The following BMAL2 variants were observed in gnomAD, a reference collection of about 807,000 sequenced individuals.
BMAL2 encodes basic helix-loop-helix ARNT like 2, also known as basic helix-loop-helix ARNT-like protein 2.
chr12:27,352,948 A>G, the BMAL2 span, among the ~76,000 whole-genome samples: 4 of 152,330 alleles, frequency 2.6e-5, no homozygotes, highest in African/African-American at 9.6e-5. Flanking sequence ...CAAATGGAAA[A>G]ACATTCCATG....
the BMAL2 span, among the ~76,000 whole-genome samples, chr12:27,339,435 T>C: frequency 6.6e-6 from 1 of 152,232 alleles, no homozygotes; most frequent in Non-Finnish European, 1.5e-5. Context: ...TGCATCTTTA[T>C]AATAGAACAA....
the BMAL2 span, among the ~76,000 whole-genome samples, chr12:27,397,762 G>A: frequency 6.6e-6 from 1 of 152,212 alleles, no homozygotes; most frequent in African/African-American, 2.4e-5. Context: ...GAAATCGCAG[G>A]CTGATGAAGG....
At chr12:27,402,060 A>G in the BMAL2 span, among the ~76,000 whole-genome samples, 2 of 152,106 alleles carry the variant, frequency 1.3e-5, no homozygotes, top group Non-Finnish European at 2.9e-5. Flanking sequence ...GGGTGCCGCC[A>G]TGTCTGTGTA....
the BMAL2 span, among the ~76,000 whole-genome samples, chr12:27,361,011 T>C: frequency 2.0e-5 from 3 of 152,128 alleles, no homozygotes; most frequent in East Asian, 1.9e-4. Flanking sequence ...TTTTAAGATA[T>C]AGCACACTAT....
chr12:27,340,250 T>C, the BMAL2 span, among the ~76,000 whole-genome samples: 3 of 152,234 alleles, frequency 2.0e-5, no homozygotes, highest in Non-Finnish European at 2.9e-5. Context: ...CATTTAAGTC[T>C]TTAATCCATC....
the BMAL2 span, among the ~76,000 whole-genome samples, chr12:27,359,401 CTG>C: frequency 2.0e-5 from 3 of 152,162 alleles, no homozygotes; most frequent in Non-Finnish European, 4.4e-5. Context: ...TCGGTACTTA[CTG>C]TGGGGCTGGG....
the BMAL2 span, chr12:27,389,658 T>A: frequency 4.2e-5 from 8 of 191,224 alleles, no homozygotes; most frequent in Non-Finnish European, 6.3e-5. Flanking sequence ...CTTTTTTATA[T>A]GGATTAGGTC....
the BMAL2 span, among the ~76,000 whole-genome samples, chr12:27,420,210 C>A: frequency 1.3e-5 from 2 of 152,182 alleles, no homozygotes; most frequent in African/African-American, 4.8e-5. Context: ...AACTAGGTAA[C>A]CCATTTAAAA....
At chr12:27,364,900 T>C in the BMAL2 span, among the ~76,000 whole-genome samples, 1 of 152,186 alleles carries the variant, frequency 6.6e-6, no homozygotes, top group Admixed American at 6.5e-5. Flanking sequence ...GAGATTATTA[T>C]AAATTCTATC....
the BMAL2 span, among the ~76,000 whole-genome samples, chr12:27,412,762 A>T: frequency 2.0e-5 from 3 of 152,124 alleles, no homozygotes; most frequent in Non-Finnish European, 4.4e-5. Flanking sequence ...CATTGAGCCC[A>T]GGAGTTCCAG....
At chr12:27,407,059 T>C in the BMAL2 span, among the ~76,000 whole-genome samples, 1 of 152,206 alleles carries the variant, frequency 6.6e-6, no homozygotes, top group African/African-American at 2.4e-5. Flanking sequence ...TAAATATATA[T>C]GCACCCAATA....
chr12:27,348,478 T>A, the BMAL2 span, among the ~76,000 whole-genome samples: 3 of 152,210 alleles, frequency 2.0e-5, no homozygotes, highest in African/African-American at 7.2e-5. Flanking sequence ...TTTATTTTTT[T>A]TTAATCTTAA....
At chr12:27,380,794 G>C in the BMAL2 span, among the ~76,000 whole-genome samples, 1 of 152,038 alleles carries the variant, frequency 6.6e-6, no homozygotes, top group African/African-American at 2.4e-5. Flanking sequence ...CGGATGGCTT[G>C]AGTCCAGATT....
At chr12:27,395,420 A>G in the BMAL2 span, among the ~76,000 whole-genome samples, 2 of 152,192 alleles carry the variant, frequency 1.3e-5, no homozygotes, top group Non-Finnish European at 2.9e-5. Flanking sequence ...TAATCTGCGG[A>G]CTTTTAACCC....
chr12:27,349,605 G>A, the BMAL2 span, among the ~76,000 whole-genome samples: 1 of 152,146 alleles, frequency 6.6e-6, no homozygotes, highest in South Asian at 2.1e-4. Context: ...AGGCACACTA[G>A]TGTCTGTTTG....
At chr12:27,350,784 A>G in the BMAL2 span, among the ~76,000 whole-genome samples, 1 of 151,328 alleles carries the variant, frequency 6.6e-6, no homozygotes, top group African/African-American at 2.4e-5. Context: ...GGTTCAAGCG[A>G]TTCTCTTGCC....
the BMAL2 span, among the ~76,000 whole-genome samples, chr12:27,383,081 G>C: frequency 1.3e-5 from 2 of 152,196 alleles, no homozygotes; most frequent in African/African-American, 4.8e-5. Flanking sequence ...TGATTACCAG[G>C]CGGGGCAGTG....
chr12:27,399,353 A>G, the BMAL2 span, among the ~76,000 whole-genome samples: 1 of 152,126 alleles, frequency 6.6e-6, no homozygotes, highest in Non-Finnish European at 1.5e-5. Context: ...AGCACTCACT[A>G]TCAGCAAATG....
chr12:27,421,833 G>T, the BMAL2 span: 9 of 152,180 alleles, frequency 5.9e-5, no homozygotes, highest in African/African-American at 1.9e-4. Context: ...ATATAAACCA[G>T]TTTCTTTATA....
Sources: gnomAD v4.1 joint callset for allele counts (sites outside exome capture counted in the v4.1 genomes callset) on GRCh38, gnomAD v4.1.1 for gene constraint, MANE v1.5 for transcripts, NCBI Gene and HGNC (gene_info 2026-07-23, HGNC 2026-07-21) for gene names.